IMMP2L: variants seen among roughly 807,000 people sequenced by gnomAD.
IMMP2L encodes inner mitochondrial membrane peptidase subunit 2, also known as mitochondrial inner membrane protease subunit 2.
A neutral mutation model predicts 19.3 loss-of-function variants in IMMP2L; 18 were observed. The ratio of observed to expected loss-of-function variants is 0.93; its 90% CI spans 0.64 to 1.38. The LOEUF is 1.38. Ranked by LOEUF, IMMP2L falls within the 40% of genes most tolerant of loss-of-function variation. The probability of loss-of-function intolerance (pLI) is 0.00; values close to 1 mark genes in which losing one functional copy is unlikely to be tolerated. For missense variants in IMMP2L, 233 were observed against 218.2 expected, an observed-to-expected ratio of 1.07 and a Z score of -0.43; for synonymous variants, 76 against 73.0, an observed-to-expected ratio of 1.04 and a Z score of -0.21.
chr7:111,075,610 G>A (rs2129575802), intron 3 of IMMP2L, among the ~76,000 whole-genome samples: 1 of 152,116 alleles, frequency 6.6e-6, no homozygotes, highest in Non-Finnish European at 1.5e-5. Context: ...GGCTCTTCTG[G>A]CTTTCTTTTT....
At chr7:110,849,569 C>G (rs921054607) in intron 5 of IMMP2L, among the ~76,000 whole-genome samples, 8 of 151,902 alleles carry the variant, frequency 5.3e-5, no homozygotes, top group Admixed American at 2.0e-4. Context: ...TGTTCATTGT[C>G]CTTGTAATCA....
intron 3 of IMMP2L, among the ~76,000 whole-genome samples, chr7:111,186,033 T>C (rs1464119414): frequency 6.6e-6 from 1 of 152,192 alleles, no homozygotes; most frequent in African/African-American, 2.4e-5. Context: ...AAATATATTA[T>C]GAAGAAACAA....
At chr7:111,273,074 TC>T (rs1023900516) in intron 3 of IMMP2L, among the ~76,000 whole-genome samples, 22 of 152,154 alleles carry the variant, frequency 1.4e-4, no homozygotes, top group African/African-American at 5.1e-4. Context: ...GGTCAGGAGT[TC>T]AAGACCAGCC....
chr7:111,040,048 C>T (rs1791740529), intron 3 of IMMP2L, among the ~76,000 whole-genome samples: 1 of 152,110 alleles, frequency 6.6e-6, no homozygotes, highest in South Asian at 2.1e-4. Context: ...GCCTGTAATC[C>T]CAGCTACTCA....
intron 3 of IMMP2L, among the ~76,000 whole-genome samples, chr7:111,105,233 G>A (rs1455829309): frequency 1.3e-5 from 2 of 151,800 alleles, no homozygotes; most frequent in Non-Finnish European, 2.9e-5. Flanking sequence ...ATGTCAATAG[G>A]CTGAAAAATT....
intron 3 of IMMP2L, among the ~76,000 whole-genome samples, chr7:111,329,931 A>G (rs920412387): frequency 6.6e-6 from 1 of 151,870 alleles, no homozygotes; most frequent in African/African-American, 2.4e-5. Flanking sequence ...CAAACAATTA[A>G]GGTGATAAAA....
chr7:111,251,702 A>C (rs1372276274), intron 3 of IMMP2L, among the ~76,000 whole-genome samples: 1 of 152,186 alleles, frequency 6.6e-6, no homozygotes, highest in East Asian at 1.9e-4. Flanking sequence ...ATGAGAACAC[A>C]TGAACACAGG....
At chr7:111,221,075 T>C (rs922809961) in intron 3 of IMMP2L, among the ~76,000 whole-genome samples, 1 of 151,970 alleles carries the variant, frequency 6.6e-6, no homozygotes, top group Admixed American at 6.6e-5. Context: ...GAGCATCCTG[T>C]TGCCTAGTCA....
Position 110,728,043 on chromosome 7 carries a change from T to C in IMMP2L, c.409-64322A>G, listed in dbSNP as rs886834551. ...GCCAGTTTACCTGAGCTTGCCTCAA[T>C]TTCTTCTTCTGAAGAACAGGGGTAC... On this transcript the variant is annotated intron_variant, in intron 5 of 5. Coordinates refer to ENST00000405709, the MANE Select transcript of IMMP2L (RefSeq NM_032549.4). The surrounding 1 kb of genome is among the most constrained non-coding windows in gnomAD (Gnocchi z 4.6). 2.0e-5 allele frequency among the ~76,000 whole-genome samples: 3 copies of C among 152,220 alleles called. No homozygotes were observed. The highest frequency in any genetic ancestry group is 2.0e-4 in the Admixed American group (3 of 15,284).
intron 5 of IMMP2L, among the ~76,000 whole-genome samples, chr7:110,867,637 C>T (rs1338243953): frequency 6.6e-6 from 1 of 151,898 alleles, no homozygotes; most frequent in Non-Finnish European, 1.5e-5. Context: ...TTTAACTACC[C>T]TTGAGCATCT....
intron 5 of IMMP2L, among the ~76,000 whole-genome samples, chr7:110,790,646 C>A (rs905088667): frequency 8.6e-5 from 13 of 151,616 alleles, no homozygotes; most frequent in Non-Finnish European, 1.9e-4. Flanking sequence ...TTGGCCTGAG[C>A]AAATGGTTAA....
At chr7:111,339,268 C>G (rs1193246918) in intron 3 of IMMP2L, among the ~76,000 whole-genome samples, 2 of 151,854 alleles carry the variant, frequency 1.3e-5, no homozygotes, top group African/African-American at 4.8e-5. Context: ...TTCAGCAGAT[C>G]TCTCTCCTCC....
Position 111,347,201 on chromosome 7 carries a change from C to G in IMMP2L, c.239+140037G>C, listed in dbSNP as rs148963334. 3.3e-5 allele frequency among the ~76,000 whole-genome samples: 5 copies of G among 152,004 alleles called. No homozygotes were observed. The East Asian group carries it at 7.8e-4, about 24-fold the overall frequency. ...TGATGGGCTTGAGGTATGTGACAGG[C>G]ATACAGATAGCAATAGATTGAAGAA... is the stretch of plus-strand genomic sequence containing the variant. On this transcript the variant is annotated intron_variant, in intron 3 of 5. Transcript: ENST00000405709.
intron 5 of IMMP2L, among the ~76,000 whole-genome samples, chr7:110,867,085 T>A (rs1281736352): frequency 2.6e-5 from 4 of 151,952 alleles, no homozygotes; most frequent in Admixed American, 1.3e-4. Flanking sequence ...TGTATTAGTC[T>A]GCTTGGGGTA....
chr7:111,002,487 G>A (rs1041367044), intron 3 of IMMP2L, among the ~76,000 whole-genome samples: 1 of 152,110 alleles, frequency 6.6e-6, no homozygotes, highest in Non-Finnish European at 1.5e-5. Context: ...TTAAGGCAGA[G>A]GTTCTTCAGA....
At chr7:110,676,011 G>C (rs1792271298) in intron 5 of IMMP2L, among the ~76,000 whole-genome samples, 1 of 152,094 alleles carries the variant, frequency 6.6e-6, no homozygotes, top group Non-Finnish European at 1.5e-5. Flanking sequence ...CTGCAGTATA[G>C]ATATTACTAA....
At chr7:111,256,846 TAA>T (rs1308438739) in intron 3 of IMMP2L, among the ~76,000 whole-genome samples, 3 of 152,044 alleles carry the variant, frequency 2.0e-5, no homozygotes, top group Non-Finnish European at 4.4e-5. Flanking sequence ...GTATTGACTC[TAA>T]AAGACAAAAA....
chr7:110,818,815 A>T (rs1301536198), intron 5 of IMMP2L, among the ~76,000 whole-genome samples: 2 of 151,886 alleles, frequency 1.3e-5, no homozygotes, highest in Admixed American at 6.6e-5. Flanking sequence ...TTGTAGGGAC[A>T]TGGATGAAGG....
intron 3 of IMMP2L, among the ~76,000 whole-genome samples, chr7:111,058,155 T>C (rs1363679780): frequency 6.6e-6 from 1 of 152,118 alleles, no homozygotes; most frequent in Non-Finnish European, 1.5e-5. Context: ...CAAACCCATA[T>C]AAACATAGAT....
Sources: gnomAD v4.1 joint callset for allele counts (sites outside exome capture counted in the v4.1 genomes callset) on GRCh38, gnomAD v4.1.1 for gene constraint, Gnocchi (gnomAD v3.1) non-coding constraint, MANE v1.5 for transcripts, NCBI Gene and HGNC (gene_info 2026-07-23, HGNC 2026-07-21) for gene names.